The following SLC37A1 variants were observed in gnomAD, a reference collection of about 807,000 sequenced individuals.
SLC37A1 encodes the protein solute carrier family 37 member 1, also known as glucose-6-phosphate exchanger SLC37A1.
SLC37A1 carries 49 observed loss-of-function variants against 75.3 expected under a neutral mutation model. The ratio of observed to expected loss-of-function variants is 0.65; its 90% CI spans 0.52 to 0.83. The LOEUF is 0.83. Among genes scored for constraint, SLC37A1 ranks in the 40% least tolerant of loss-of-function variants. The pLI is 0.00. For missense variants in SLC37A1, 566 were observed against 695.0 expected, an observed-to-expected ratio of 0.81 and a Z score of 2.09; for synonymous variants, 268 against 292.1, an observed-to-expected ratio of 0.92 and a Z score of 0.84.
intron 1 of SLC37A1, chr21:42,502,203 A>G (rs2146675731): frequency 6.6e-6 from 1 of 152,350 alleles, no homozygotes; most frequent in South Asian, 2.1e-4. Flanking sequence ...CCCCTGCCCA[A>G]AGTAAATAGA....
chr21:42,504,469 T>C (rs922005383), intron 2 of SLC37A1, among the ~76,000 whole-genome samples: 3 of 152,212 alleles, frequency 2.0e-5, no homozygotes, highest in African/African-American at 4.8e-5. Flanking sequence ...CTTCTCTATG[T>C]GTGTCATGAT....
chr21:42,571,225 C>T (rs1249716896), intron 17 of SLC37A1, among the ~76,000 whole-genome samples: 1 of 152,200 alleles, frequency 6.6e-6, no homozygotes, highest in Non-Finnish European at 1.5e-5. Flanking sequence ...TGCCCGCATG[C>T]TTATTCAGTG....
At chr21:42,558,873 G>A (rs962539752) in intron 10 of SLC37A1, 85 bp from the exon 11 acceptor site, 12 of 1,571,180 alleles carry the variant, frequency 7.6e-6, no homozygotes, top group Middle Eastern at 2.2e-4. Flanking sequence ...AGGCACCCTC[G>A]TCATTAGGAA....
At chr21:42,557,462 C>T (rs943066904) in intron 10 of SLC37A1, among the ~76,000 whole-genome samples, 13 of 152,264 alleles carry the variant, frequency 8.5e-5, no homozygotes, top group African/African-American at 2.7e-4. Flanking sequence ...TTTCACGTGC[C>T]GTGATGGGAT....
rs567896077 is a variant in SLC37A1 at position 42,564,672 on chromosome 21, G to C, written c.1136-36G>C. ...TTCCTCCCCGTGGGCTCATGCCCTG[G>C]GACGTCAGTGCCTGAAGCCCGCCTC... On this transcript the variant is annotated intron_variant, in intron 13 of 19. Coordinates refer to ENST00000352133, the MANE Select transcript of SLC37A1 (RefSeq NM_001320537.2). The C allele has an allele frequency of 4.5e-6, 7 of 1,572,744 alleles. No individual in the cohort carries two copies. In the South Asian group the frequency reaches 6.6e-5, roughly 15 times the overall value.
At chr21:42,567,617 G>A (rs1028651817) in intron 16 of SLC37A1, among the ~76,000 whole-genome samples, 4 of 152,196 alleles carry the variant, frequency 2.6e-5, no homozygotes, top group East Asian at 1.9e-4. Context: ...TTCAAAATAC[G>A]TAGGTTCTGG....
intron 14 of SLC37A1, among the ~76,000 whole-genome samples, chr21:42,565,615 G>A (rs888181713): frequency 1.3e-5 from 2 of 152,228 alleles, no homozygotes; most frequent in Admixed American, 6.5e-5. Flanking sequence ...TCCCCAGGTC[G>A]CCTGGGGTGC....
chr21:42,538,942 A>T (rs2055207459), intron 5 of SLC37A1, among the ~76,000 whole-genome samples: 1 of 152,230 alleles, frequency 6.6e-6, no homozygotes, highest in Non-Finnish European at 1.5e-5. Flanking sequence ...ACCTTACCAT[A>T]GAGCAAATCT....
intron 3 of SLC37A1, among the ~76,000 whole-genome samples, chr21:42,531,429 A>G (rs560454413): frequency 2.2e-4 from 34 of 152,194 alleles, no homozygotes; most frequent in Admixed American, 1.3e-3. Context: ...GCCTCACATA[A>G]GTGTGGAGTT....
chr21:42,518,410 G>A lies in SLC37A1; in HGVS notation c.-45G>A, dbSNP rs767224816. 2 of 1,612,362 alleles carry A rather than the reference G, an allele frequency of 1.2e-6. No individual in the cohort carries two copies. Among genetic ancestry groups the A allele is most frequent in the South Asian group, 2.2e-5 (2 of 91,058 alleles). Reference sequence around the variant, plus strand: ...CCAGGATTAATGACTCATTTATGAAGCATCTTATTCTGCGACCGAGGCTCA... The same window carrying A: ...CCAGGATTAATGACTCATTTATGAAACATCTTATTCTGCGACCGAGGCTCA... On this transcript the variant is annotated 5_prime_UTR_variant, in exon 2 of 20. Coordinates refer to ENST00000352133, the MANE Select transcript of SLC37A1 (RefSeq NM_001320537.2).
chr21:42,556,960 A>G (rs567002546), intron 10 of SLC37A1, among the ~76,000 whole-genome samples: 3 of 152,314 alleles, frequency 2.0e-5, no homozygotes, highest in Admixed American at 6.5e-5. Flanking sequence ...TGCTGCTTAG[A>G]TAAGGAGCAG....
At chr21:42,502,271 T>C (rs1050864149) in intron 1 of SLC37A1, 11 of 152,222 alleles carry the variant, frequency 7.2e-5, no homozygotes, top group African/African-American at 2.7e-4. Flanking sequence ...TGTCCACATC[T>C]CAAATTCAGC....
At chr21:42,502,641 A>G (rs892982095) in intron 2 of SLC37A1, 4 of 152,212 alleles carry the variant, frequency 2.6e-5, no homozygotes, top group Non-Finnish European at 4.4e-5. Context: ...TGTGATGCCC[A>G]TGTTTCTCTA....
chr21:42,520,236 G>A (rs2054614509), intron 2 of SLC37A1, among the ~76,000 whole-genome samples: 2 of 152,174 alleles, frequency 1.3e-5, no homozygotes, highest in South Asian at 4.1e-4. Flanking sequence ...TTCTTCTTCT[G>A]TTCAGGATCT....
chr21:42,520,634 GGTGTGTGTGTGC>G (rs1351855393), intron 2 of SLC37A1, among the ~76,000 whole-genome samples: 2 of 151,800 alleles, frequency 1.3e-5, no homozygotes, highest in Non-Finnish European at 2.9e-5. Context: ...AATAGAGAAG[GGTGTGTGTGTGC>G]GTGTGTGTGG....
At position 42,536,665 on chromosome 21, in the gene SLC37A1, A is replaced by G. The variant is rs2055145105; in HGVS notation, c.350+1115A>G. On this transcript the variant is annotated intron_variant, in intron 5 of 19. Transcript: ENST00000352133. ...TGTAATGTGGTGGAGGGCGTCACCTAGCAGAGGCCCCTGTGAGATGGGTTA... is the reference window on the plus strand; with the variant it reads ...TGTAATGTGGTGGAGGGCGTCACCTGGCAGAGGCCCCTGTGAGATGGGTTA... Among the ~76,000 whole-genome samples, 5 of 152,368 alleles carry G rather than the reference A, an allele frequency of 3.3e-5. No homozygotes were observed. The South Asian group carries it at 1.0e-3, about 32-fold the overall frequency.
intron 13 of SLC37A1, 102 bp from the exon 14 acceptor site, chr21:42,564,606 G>C (rs898299856): frequency 4.5e-6 from 4 of 885,618 alleles, no homozygotes; most frequent in African/African-American, 3.3e-5. Flanking sequence ...AGAGGGGCTT[G>C]GGAAAGGAGG....
chr21:42,507,339 G>C (rs934145988), intron 2 of SLC37A1, among the ~76,000 whole-genome samples: 1 of 152,254 alleles, frequency 6.6e-6, no homozygotes, highest in Non-Finnish European at 1.5e-5. Context: ...TGCGCCTTCT[G>C]ATGGCCACAG....
At position 42,548,261 on chromosome 21, in the gene SLC37A1, C is replaced by G. The variant is rs770393636; in HGVS notation, c.768+1121C>G. ...CATGCTGTCCCCAGAGTGACCCACC[C>G]CTGAGCTCCGCAATCTGAGGTCTCA... is the stretch of plus-strand genomic sequence containing the variant. On this transcript the variant is annotated intron_variant, in intron 9 of 19. Transcript: ENST00000352133. This position sits in a 1 kb window ranked among gnomAD's most constrained non-coding sequence, Gnocchi z 5.6. 7.2e-5 allele frequency among the ~76,000 whole-genome samples: 11 copies of G among 152,268 alleles called. No homozygotes were observed. Among genetic ancestry groups the G allele is most frequent in the Non-Finnish European group, 1.6e-4 (11 of 68,004 alleles).
Sources: allele counts gnomAD v4.1 joint callset (sites outside exome capture counted in the v4.1 genomes callset), GRCh38; gene constraint gnomAD v4.1.1; non-coding constraint Gnocchi (gnomAD v3.1); transcripts MANE v1.5; gene names NCBI Gene and HGNC (gene_info 2026-07-23, HGNC 2026-07-21).